EPHA6: variants seen among roughly 807,000 people sequenced by gnomAD.
The protein encoded by EPHA6 is EPH receptor A6.
A neutral mutation model predicts 112.0 loss-of-function variants in EPHA6; 50 were observed. The observed-to-expected ratio is 0.45, with a 90% CI of 0.36 to 0.56. The LOEUF is 0.56. Among genes scored for constraint, EPHA6 ranks in the 20% least tolerant of loss-of-function variants. The pLI, the probability that EPHA6 is intolerant of heterozygous loss-of-function variation, is 0.00. For missense variants in EPHA6, 1,280 were observed against 1,417.4 expected (o/e 0.90, Z 1.56); for synonymous variants, 529 against 490.7 (o/e 1.08, Z -1.03).
chr3:97,299,149 C>A (rs2080991420), intron 5 of EPHA6, among the ~76,000 whole-genome samples: 1 of 150,864 alleles, frequency 6.6e-6, no homozygotes, highest in African/African-American at 2.4e-5. Context: ...AATTGAACTC[C>A]TTTTGGCTGG....
intron 1 of EPHA6, among the ~76,000 whole-genome samples, chr3:96,848,170 C>T (rs1291850681): frequency 6.6e-6 from 1 of 151,862 alleles, no homozygotes; most frequent in Non-Finnish European, 1.5e-5. Context: ...GCTTGTTTTA[C>T]TTAGTGAAAT....
intron 5 of EPHA6, among the ~76,000 whole-genome samples, chr3:97,334,456 C>G (rs953104996): frequency 6.9e-6 from 1 of 145,374 alleles, no homozygotes; most frequent in Non-Finnish European, 1.5e-5. Context: ...CTTCTTTTTT[C>G]TTTTCTTTCT....
chr3:97,653,265 A>G (rs1448117062), intron 14 of EPHA6, among the ~76,000 whole-genome samples: 1 of 151,992 alleles, frequency 6.6e-6, no homozygotes, highest in East Asian at 1.9e-4. Context: ...TAGTTTTCTG[A>G]TAAGGAATTA....
intron 3 of EPHA6, among the ~76,000 whole-genome samples, chr3:97,168,871 G>A (rs191867558): frequency 2.0e-4 from 31 of 152,262 alleles, no homozygotes; most frequent in African/African-American, 7.5e-4. Flanking sequence ...AAATATGGAA[G>A]CAACTTCGGA....
intron 4 of EPHA6, among the ~76,000 whole-genome samples, chr3:97,228,137 A>T (rs2078413229): frequency 6.6e-6 from 1 of 152,128 alleles, no homozygotes; most frequent in Admixed American, 6.5e-5. Context: ...GGTCTGTTCA[A>T]TAGGTTGTGG....
At chr3:97,607,862 T>C (rs1405564454) in intron 12 of EPHA6, among the ~76,000 whole-genome samples, 1 of 151,202 alleles carries the variant, frequency 6.6e-6, no homozygotes, top group African/African-American at 2.4e-5. Context: ...ATATGTAATT[T>C]TTACGTACTG....
At chr3:96,926,853 A>C (rs1193681713) in intron 2 of EPHA6, among the ~76,000 whole-genome samples, 2 of 152,128 alleles carry the variant, frequency 1.3e-5, no homozygotes, top group African/African-American at 4.8e-5. Flanking sequence ...CACTGTGCAA[A>C]CTGTCAGTGG....
intron 3 of EPHA6, among the ~76,000 whole-genome samples, chr3:97,056,147 C>T (rs1323573767): frequency 6.6e-6 from 1 of 152,090 alleles, no homozygotes; most frequent in African/African-American, 2.4e-5. Context: ...ACATGTTATT[C>T]ATCTTGTGAC....
intron 3 of EPHA6, among the ~76,000 whole-genome samples, chr3:96,998,426 C>A (rs774631524): frequency 4.6e-5 from 7 of 151,674 alleles, no homozygotes; most frequent in Non-Finnish European, 8.9e-5. Flanking sequence ...TTTGGTAGTT[C>A]TTTTGATAAA....
chr3:96,929,215 A>T (rs1234902334), intron 2 of EPHA6, among the ~76,000 whole-genome samples: 1 of 152,164 alleles, frequency 6.6e-6, no homozygotes, highest in Admixed American at 6.5e-5. Context: ...TTTAATCGGG[A>T]CATTTAGCCC....
chr3:97,663,801 G>A (rs1299142019), intron 14 of EPHA6, among the ~76,000 whole-genome samples: 1 of 152,142 alleles, frequency 6.6e-6, no homozygotes, highest in Non-Finnish European at 1.5e-5. Context: ...ATATACGTGT[G>A]TATGTGTCTT....
chr3:96,869,024 G>A (rs1351443366), intron 2 of EPHA6, among the ~76,000 whole-genome samples: 3 of 151,876 alleles, frequency 2.0e-5, no homozygotes, highest in Non-Finnish European at 4.4e-5. Context: ...AACAAATAAC[G>A]TTTTAGGCTT....
intron 2 of EPHA6, among the ~76,000 whole-genome samples, chr3:96,949,083 A>G (rs1478902749): frequency 6.6e-6 from 1 of 152,170 alleles, no homozygotes; most frequent in Admixed American, 6.5e-5. Flanking sequence ...TGTCTGTTGC[A>G]CTTGATTGCT....
At chr3:97,388,120 A>G (rs2086180236) in intron 5 of EPHA6, among the ~76,000 whole-genome samples, 2 of 152,156 alleles carry the variant, frequency 1.3e-5, no homozygotes, top group South Asian at 4.1e-4. Context: ...TCAACATGAG[A>G]TTTGTATGTG....
chr3:97,222,960 AG>A (rs2078249975), intron 3 of EPHA6, among the ~76,000 whole-genome samples: 1 of 152,230 alleles, frequency 6.6e-6, no homozygotes, highest in Non-Finnish European at 1.5e-5. Context: ...CTGAAAGATA[AG>A]TGAATCACAG....
intron 14 of EPHA6, among the ~76,000 whole-genome samples, chr3:97,638,616 T>G (rs2093972188): frequency 1.3e-5 from 2 of 152,148 alleles, no homozygotes; most frequent in African/African-American, 4.8e-5. Context: ...AAATGCAAAT[T>G]TAAAACTTTA....
intron 3 of EPHA6, among the ~76,000 whole-genome samples, chr3:97,019,426 A>G (rs550555293): frequency 2.0e-5 from 3 of 152,070 alleles, no homozygotes; most frequent in South Asian, 4.2e-4. Context: ...TTCTTTTGCC[A>G]TCACTCTCCT....
intron 14 of EPHA6, among the ~76,000 whole-genome samples, chr3:97,667,690 A>G (rs2030295523): frequency 6.6e-6 from 1 of 152,200 alleles, no homozygotes; most frequent in African/African-American, 2.4e-5. Context: ...AGAGAACAAC[A>G]TGGGCAAACT....
At chr3:97,503,833 A>C (rs895086578) in intron 10 of EPHA6, among the ~76,000 whole-genome samples, 2 of 152,156 alleles carry the variant, frequency 1.3e-5, no homozygotes, top group African/African-American at 4.8e-5. Flanking sequence ...TTACATATAT[A>C]TTTCTAAATT....
Sources: allele counts gnomAD v4.1 joint callset (sites outside exome capture counted in the v4.1 genomes callset), GRCh38; gene constraint gnomAD v4.1.1; transcripts MANE v1.5; gene names NCBI Gene and HGNC (gene_info 2026-07-23, HGNC 2026-07-21).